Variants in CDH18 observed in about 807,000 individuals in gnomAD.
CDH18 encodes the protein cadherin 18.
In CDH18, 31 loss-of-function variants were observed where a neutral mutation model predicts 67.9. The ratio of observed to expected loss-of-function variants is 0.46; its 90% CI spans 0.34 to 0.62. CDH18 has a LOEUF of 0.62. Ranked by LOEUF, CDH18 falls within the 20% of genes least tolerant of loss-of-function variation. The pLI, the probability that CDH18 is intolerant of heterozygous loss-of-function variation, is 0.01. For synonymous variants in CDH18, 362 were observed against 347.2 expected, an observed-to-expected ratio of 1.04 and a Z score of -0.48; for missense variants, 890 against 975.5, an observed-to-expected ratio of 0.91 and a Z score of 1.17.
At chr5:19,864,955 T>G (rs1020075495) in intron 2 of CDH18, among the ~76,000 whole-genome samples, 4 of 152,170 alleles carry the variant, frequency 2.6e-5, no homozygotes, top group Non-Finnish European at 5.9e-5. Context: ...CTTCCTTCTT[T>G]GGGTCCCTGG....
chr5:20,172,240 G>GTATA (rs1220031750), intron 2 of CDH18, among the ~76,000 whole-genome samples: 5 of 64,128 alleles, frequency 7.8e-5, no homozygotes, highest in Non-Finnish European at 1.2e-4. Context: ...ATATATATAT[G>GTATA]TATATATATA....
At chr5:19,732,420 C>A (rs1333259660) in intron 4 of CDH18, among the ~76,000 whole-genome samples, 1 of 152,114 alleles carries the variant, frequency 6.6e-6, no homozygotes, top group African/African-American at 2.4e-5. Flanking sequence ...CCACTGCACT[C>A]CAGTCCACAT....
chr5:20,355,935 C>G (rs1184733226), intron 1 of CDH18, among the ~76,000 whole-genome samples: 1 of 152,158 alleles, frequency 6.6e-6, no homozygotes, highest in African/African-American at 2.4e-5. Context: ...CAAGCACATT[C>G]AATGATTTTG....
At chr5:20,175,377 G>C (rs949663464) in intron 2 of CDH18, among the ~76,000 whole-genome samples, 2 of 152,026 alleles carry the variant, frequency 1.3e-5, no homozygotes, top group Admixed American at 6.6e-5. Context: ...TAAAATTAAA[G>C]GTCAAGTAAA....
chr5:19,545,499 C>A (rs895042782), intron 8 of CDH18, among the ~76,000 whole-genome samples: 3 of 151,714 alleles, frequency 2.0e-5, no homozygotes, highest in Non-Finnish European at 2.9e-5. Context: ...AAGTTGAAAA[C>A]AATTTATAAA....
intron 5 of CDH18, among the ~76,000 whole-genome samples, chr5:19,720,639 T>G (rs73761490): frequency 1.1e-4 from 16 of 152,150 alleles, no homozygotes; most frequent in Admixed American, 3.9e-4. Context: ...TGGCCTGATA[T>G]GACAGGATAT....
At chr5:19,705,200 C>T (rs57477405) in intron 5 of CDH18, among the ~76,000 whole-genome samples, 52,977 of 151,952 alleles carry the variant, frequency 0.35, 9,642 homozygotes, top group African/African-American at 0.47. Flanking sequence ...ATTACTCCAA[C>T]GTTATGATCA....
chr5:19,590,911 A>G, intron 7 of CDH18, 146 bp downstream of exon 7: 1 of 539,836 alleles, frequency 1.9e-6, no homozygotes, highest in Non-Finnish European at 3.3e-6. Flanking sequence ...TTGACAAACA[A>G]CAATTAAAAT....
At chr5:20,114,783 C>G (rs1250644018) in intron 2 of CDH18, among the ~76,000 whole-genome samples, 4 of 152,038 alleles carry the variant, frequency 2.6e-5, no homozygotes, top group Non-Finnish European at 5.9e-5. Context: ...GCTCTACAGC[C>G]CATTTCCTGC....
intron 2 of CDH18, among the ~76,000 whole-genome samples, chr5:20,195,770 T>A (rs896837517): frequency 6.6e-6 from 1 of 152,086 alleles, no homozygotes; most frequent in East Asian, 1.9e-4. Context: ...TAGAATATAT[T>A]CTCAAGGGAT....
chr5:19,670,147 A>G (rs1758538371), intron 5 of CDH18, among the ~76,000 whole-genome samples: 1 of 152,132 alleles, frequency 6.6e-6, no homozygotes, highest in Non-Finnish European at 1.5e-5. Flanking sequence ...TTGTGCATAG[A>G]ACTAGCAGGA....
At chr5:20,477,757 C>T (rs1331022635) in intron 1 of CDH18, among the ~76,000 whole-genome samples, 2 of 152,138 alleles carry the variant, frequency 1.3e-5, no homozygotes, top group East Asian at 1.9e-4. Context: ...GGGCTTGGTG[C>T]CAGTGAACTT....
At chr5:20,511,465 GA>G (rs571702527) in intron 1 of CDH18, among the ~76,000 whole-genome samples, 1 of 151,654 alleles carries the variant, frequency 6.6e-6, no homozygotes, top group African/African-American at 2.4e-5. Context: ...AATACTGGGA[GA>G]AAAAAAAGTG....
At chr5:19,877,366 G>C (rs1049665094) in intron 2 of CDH18, among the ~76,000 whole-genome samples, 2 of 152,108 alleles carry the variant, frequency 1.3e-5, no homozygotes, top group African/African-American at 4.8e-5. Context: ...CTTTGATTGA[G>C]CAATTCTAAT....
At chr5:19,793,959 C>G (rs889282584) in intron 3 of CDH18, among the ~76,000 whole-genome samples, 1 of 151,994 alleles carries the variant, frequency 6.6e-6, no homozygotes, top group Non-Finnish European at 1.5e-5. Flanking sequence ...TCTTAAGTTC[C>G]AAGATGCTAC....
At chr5:19,713,874 C>T (rs947267393) in intron 5 of CDH18, among the ~76,000 whole-genome samples, 1 of 152,014 alleles carries the variant, frequency 6.6e-6, no homozygotes, top group African/African-American at 2.4e-5. Flanking sequence ...AGTGTGCTCT[C>T]TCTGGTTCAT....
rs78302785 is a variant in CDH18 at position 20,429,052 on chromosome 5, G to A, written c.-580+146410C>T. Among the ~76,000 whole-genome samples, 109 of 150,604 alleles carry A rather than the reference G, an allele frequency of 7.2e-4. 2 individuals carry two copies. In the East Asian group the frequency reaches 0.019, roughly 26 times the overall value. ...TGAGTGTAAAAGAGCACAAACACTC[G>A]TCTATTTTTTTTGCTGATACCTCTT... On this transcript the variant is annotated intron_variant, in intron 1 of 14. Coordinates refer to the CDH18 transcript ENST00000507958.
intron 2 of CDH18, among the ~76,000 whole-genome samples, chr5:20,196,347 C>T (rs564578300): frequency 3.3e-5 from 5 of 152,206 alleles, no homozygotes; most frequent in Non-Finnish European, 7.4e-5. Context: ...CCATTCTTAT[C>T]TTTATTTTAC....
chr5:20,394,513 G>A (rs1745126656), intron 1 of CDH18, among the ~76,000 whole-genome samples: 1 of 148,720 alleles, frequency 6.7e-6, no homozygotes, highest in African/African-American at 2.5e-5. Context: ...CTGGGCGTTG[G>A]TCTAGGCAAA....
Sources: allele counts gnomAD v4.1 joint callset (sites outside exome capture counted in the v4.1 genomes callset), GRCh38; gene constraint gnomAD v4.1.1; transcripts MANE v1.5; gene names NCBI Gene and HGNC (gene_info 2026-07-23, HGNC 2026-07-21).